The following PTHLH variants were observed in gnomAD, a reference collection of about 807,000 sequenced individuals.
PTHLH encodes the protein parathyroid hormone-related protein.
Under a neutral mutation model 18.6 loss-of-function variants are expected in PTHLH, and 5 were observed. The ratio of observed to expected loss-of-function variants is 0.27; its 90% CI spans 0.14 to 0.56. PTHLH has a LOEUF of 0.56. Ranked by LOEUF, PTHLH falls within the 20% of genes least tolerant of loss-of-function variation. The pLI is 0.92. For missense variants in PTHLH, 207 were observed against 223.9 expected (o/e 0.92, Z 0.48); for synonymous variants, 90 against 94.0 (o/e 0.96, Z 0.25).
chr12:27,971,508 T>C (rs1254414979), intron 2 of PTHLH, among the ~76,000 whole-genome samples: 1 of 152,076 alleles, frequency 6.6e-6, no homozygotes, highest in Non-Finnish European at 1.5e-5. Flanking sequence ...ATTCTTGAGA[T>C]GATTCAAGGA....
At position 27,970,217 on chromosome 12, in the gene PTHLH, G is replaced by C. The variant is rs1318686349; in HGVS notation, c.-215C>G. 2.0e-6 allele frequency: 1 copy of C among 495,436 alleles called. No homozygotes were observed. The highest frequency in any genetic ancestry group is 4.0e-6 in the Non-Finnish European group (1 of 249,196). 30.7% of individuals were successfully genotyped at this position (495,436 alleles called of 1,614,324 possible). The stretch of plus-strand genomic sequence containing the variant: ...CATGCTGGCCGGGCGGCGCAGGTTG[G>C]AGGCGAGTTGAAAACCGAGCGGAGG... On this transcript the variant is annotated 5_prime_UTR_variant, in exon 3 of 6. Coordinates refer to ENST00000545234, the MANE Select transcript of PTHLH (RefSeq NM_198965.2).
chr12:27,972,139 C>A (rs1349873343), intron 1 of PTHLH, 120 bp from the exon 2 acceptor site: 2 of 151,612 alleles, frequency 1.3e-5, no homozygotes. Flanking sequence ...TCCAAGGTAC[C>A]TAGCCAAGTT....
intron 4 of PTHLH, among the ~76,000 whole-genome samples, chr12:27,964,362 AAGG>A (rs550872700): frequency 4.6e-5 from 7 of 152,004 alleles, no homozygotes; most frequent in Non-Finnish European, 1.0e-4. Flanking sequence ...ACAAAGGCTG[AAGG>A]AGAAGTGAGC....
At chr12:27,962,012 G>GA (rs748813497) in intron 5 of PTHLH, 303 of 640,954 alleles carry the variant, frequency 4.7e-4, no homozygotes, top group South Asian at 1.1e-3. Context: ...AAAGTGAAAA[G>GA]AAAAAAAAAT....
chr12:27,962,352 T>C (rs1047762845), intron 5 of PTHLH: 8 of 188,488 alleles, frequency 4.2e-5, no homozygotes, highest in Non-Finnish European at 8.1e-5. Flanking sequence ...GTGTTTACTA[T>C]ATGACAGATA....
intron 5 of PTHLH, among the ~76,000 whole-genome samples, chr12:27,961,301 GTATATATA>G (rs56920245): frequency 1.4e-3 from 120 of 83,956 alleles, no homozygotes; most frequent in Admixed American, 2.4e-3. Flanking sequence ...ATATATATAC[GTATATATA>G]TATATATATA....
At chr12:27,961,403 G>A (rs1259511631) in intron 5 of PTHLH, among the ~76,000 whole-genome samples, 2 of 145,808 alleles carry the variant, frequency 1.4e-5, no homozygotes, top group African/African-American at 2.5e-5. Context: ...GATAGGTAGA[G>A]GATACAATCA....
chr12:27,961,880 C>G, intron 5 of PTHLH: 1 of 688,578 alleles, frequency 1.5e-6, no homozygotes, highest in Non-Finnish European at 2.6e-6. Flanking sequence ...GTAGCAGAGT[C>G]AAAGGAAATG....
intron 5 of PTHLH, chr12:27,962,231 C>CTAG (rs2062768155): frequency 1.8e-5 from 5 of 276,130 alleles, no homozygotes; most frequent in Non-Finnish European, 3.2e-5. Context: ...AACATACCCC[C>CTAG]CTAGATAGAT....
intron 5 of PTHLH, chr12:27,961,724 G>T: frequency 2.1e-6 from 1 of 476,780 alleles, no homozygotes; most frequent in Non-Finnish European, 3.7e-6. Flanking sequence ...TAGTGCCACT[G>T]CCCATTGATT....
chr12:27,969,846 C>T (rs1486501692), intron 3 of PTHLH, 179 bp downstream of exon 3: 3 of 534,396 alleles, frequency 5.6e-6, no homozygotes, highest in Non-Finnish European at 1.1e-5. Context: ...TACACGTCTC[C>T]CATAGCAATG....
At position 27,970,222 on chromosome 12, in the gene PTHLH, G is replaced by A. The variant is rs2062857053; in HGVS notation, c.-220C>T. The A allele has an allele frequency of 4.3e-5, 21 of 491,904 alleles. No individual in the cohort carries two copies. The highest frequency in any genetic ancestry group is 3.0e-4 in the South Asian group (20 of 67,046). The allele number at this position is 491,904 out of a possible 1,614,324, so 30.5% of individuals were successfully genotyped here. ...TGGCCGGGCGGCGCAGGTTGGAGGC[G>A]AGTTGAAAACCGAGCGGAGGAATGT... On this transcript the variant is annotated 5_prime_UTR_variant, in exon 3 of 6. Transcript: ENST00000545234.
At position 27,963,596 on chromosome 12, in the gene PTHLH, G is replaced by A; in HGVS notation, c.276C>T (p.Pro92=). 4 of 1,614,158 alleles carry A rather than the reference G, an allele frequency of 2.5e-6. No individual in the cohort carries two copies. The highest frequency in any genetic ancestry group is 2.2e-5 in the South Asian group (2 of 91,082). ...CCTCATCATCAGACCCAAATCGGAC[G>A]GGGTGGTTCTTTGTGTTGGGAGAGG... ...SKPSPNTKNH[P]VRFGSDDEGR... Residue 92 remains proline (P), a synonymous_variant, in exon 5 of 6, where the codon CCC becomes CCT. Coordinates refer to ENST00000545234, the MANE Select transcript of PTHLH (RefSeq NM_198965.2).
intron 4 of PTHLH, among the ~76,000 whole-genome samples, chr12:27,966,449 G>T (rs2120651850): frequency 6.6e-6 from 1 of 152,290 alleles, no homozygotes; most frequent in East Asian, 1.9e-4. Context: ...TCTCTCACTA[G>T]GCAGTTGCAT....
At chr12:27,962,965 C>A in intron 5 of PTHLH, 1 of 1,128,944 alleles carries the variant, frequency 8.9e-7, no homozygotes, top group Non-Finnish European at 1.1e-6. Context: ...AAATGAAAAA[C>A]ACTGAAGAAA....
At chr12:27,962,212 C>G (rs2062767943) in intron 5 of PTHLH, 1 of 399,520 alleles carries the variant, frequency 2.5e-6, no homozygotes, top group Non-Finnish European at 4.4e-6. Flanking sequence ...CCACTTTTTG[C>G]CTCATAGAAA....
chr12:27,969,577 T>C (rs2062850216), intron 3 of PTHLH, 61 bp from the exon 4 acceptor site: 2 of 1,338,214 alleles, frequency 1.5e-6, no homozygotes, highest in Non-Finnish European at 2.1e-6. Context: ...CCCGCACTAC[T>C]CCGCTCCCCC....
chr12:27,970,242 G>T lies in PTHLH; in HGVS notation c.-240C>A, dbSNP rs779723168. Reference sequence around the variant, plus strand: ...GAGGCGAGTTGAAAACCGAGCGGAGGAATGTTCACACGCTCCGAGGCAAAC... The same window carrying T: ...GAGGCGAGTTGAAAACCGAGCGGAGTAATGTTCACACGCTCCGAGGCAAAC... On this transcript the variant is annotated 5_prime_UTR_variant, in exon 3 of 6. Coordinates refer to ENST00000545234, the MANE Select transcript of PTHLH (RefSeq NM_198965.2). 2 of 467,636 alleles carry T rather than the reference G, an allele frequency of 4.3e-6. No individual in the cohort carries two copies. The highest frequency in any genetic ancestry group is 8.5e-6 in the Non-Finnish European group (2 of 235,156). 29.0% of individuals were successfully genotyped at this position (467,636 alleles called of 1,614,324 possible). A position where few individuals can be genotyped will look rare whatever the true frequency, so the allele number is the denominator to read the frequency against.
At chr12:27,962,456 GC>G in intron 5 of PTHLH, 1 of 768,520 alleles carries the variant, frequency 1.3e-6, no homozygotes, top group Non-Finnish European at 1.6e-6. Context: ...TCTTAGAAAG[GC>G]AGAGTAACTT....
Sources: gnomAD v4.1 joint callset for allele counts (sites outside exome capture counted in the v4.1 genomes callset) on GRCh38, gnomAD v4.1.1 for gene constraint, MANE v1.5 for transcripts, NCBI Gene and HGNC (gene_info 2026-07-23, HGNC 2026-07-21) for gene names.